Variants in CD72 observed in about 807,000 individuals in gnomAD.
CD72 encodes the protein B-cell differentiation antigen CD72.
A neutral mutation model predicts 50.7 loss-of-function variants in CD72; 28 were observed. The observed-to-expected ratio is 0.55, with a 90% CI of 0.41 to 0.76. CD72 has a LOEUF of 0.76. Among genes scored for constraint, CD72 ranks in the 30% least tolerant of loss-of-function variants. The pLI is 0.00. For synonymous variants in CD72, 176 were observed against 171.2 expected, an observed-to-expected ratio of 1.03 and a Z score of -0.22; for missense variants, 403 against 420.6, an observed-to-expected ratio of 0.96 and a Z score of 0.37.
chr9:35,610,823 C>T (rs1822969459), intron 7 of CD72, 70 bp from the exon 8 acceptor site: 5 of 1,319,392 alleles, frequency 3.8e-6, no homozygotes, highest in Middle Eastern at 1.8e-4. Flanking sequence ...TCCCCTTCCC[C>T]TGTATAAAAC....
At position 35,616,025 on chromosome 9, in the gene CD72, C is replaced by T; in HGVS notation, c.606G>A (p.Glu202=). 1 of 1,614,076 alleles carries T rather than the reference C, an allele frequency of 6.2e-7. No homozygotes were observed. The highest frequency in any genetic ancestry group is 8.5e-7 in the Non-Finnish European group (1 of 1,180,016). The change falls in exon 5 of 9, where the codon GAG becomes GAA. Residue 202 remains glutamate, a synonymous_variant. Transcript: ENST00000259633. ...GCTCCAAGGCCCTCCTCTGTTGCTCCTCACTTTGCAAGGTCTCCTTCGTCT... is the reference window on the plus strand; with the variant it reads ...GCTCCAAGGCCCTCCTCTGTTGCTCTTCACTTTGCAAGGTCTCCTTCGTCT... ...RQKTKETLQS[E]EQQRRALEQK...
intron 1 of CD72, among the ~76,000 whole-genome samples, chr9:35,630,862 G>A (rs1249385731): frequency 6.6e-6 from 1 of 152,118 alleles, no homozygotes; most frequent in East Asian, 1.9e-4. Context: ...CCAGGAGTTC[G>A]AGATAAACCT....
intron 1 of CD72, chr9:35,646,160 CA>C (rs529491718): frequency 1.4e-5 from 2 of 143,016 alleles, no homozygotes; most frequent in African/African-American, 2.6e-5. Context: ...GACTTCGCCT[CA>C]AAAAAAAAGA....
chr9:35,640,843 C>T (rs1213631232), intron 1 of CD72, among the ~76,000 whole-genome samples: 4 of 152,226 alleles, frequency 2.6e-5, no homozygotes, highest in East Asian at 1.9e-4. Flanking sequence ...CTTGAATGCC[C>T]GGGTTTATAT....
At chr9:35,624,220 T>C (rs895316024), upstream of CD72, among the ~76,000 whole-genome samples, 1 of 46,632 alleles carries the variant, frequency 2.1e-5, no homozygotes, top group East Asian at 3.3e-4. Flanking sequence ...TCAAAAATAA[T>C]AATAATAATA....
chr9:35,623,224 G>A (rs1322304882), upstream of CD72, among the ~76,000 whole-genome samples: 3 of 152,218 alleles, frequency 2.0e-5, no homozygotes, highest in Admixed American at 6.5e-5. Flanking sequence ...GGAGTCCTGG[G>A]TTAACAATTG....
In CD72 at chr9:35,610,305, AAAAGT is replaced by A. The variant is rs1822954901; in HGVS notation, c.*23-10_*23-6del. On this transcript the variant is annotated splice_region_variant and splice_polypyrimidine_tract_variant and intron_variant, in intron 8 of 8. Transcript: ENST00000259633. The stretch of plus-strand genomic sequence containing the variant: ...GGTTCTTGTTGGCATGAGTGTCTGG[AAAAGT>A]AAAGTATCAGTGAGCTCCATGGTTG... 38 of 235,682 alleles carry A rather than the reference AAAAGT, an allele frequency of 1.6e-4. 1 individual carries two copies. The highest frequency in any genetic ancestry group is 4.3e-4 in the Admixed American group (7 of 16,364). 14.6% of individuals were successfully genotyped at this position (235,682 alleles called of 1,614,324 possible). A position where few individuals can be genotyped will look rare whatever the true frequency, so the allele number is the denominator to read the frequency against.
exon 1 of CD72, chr9:35,646,632 ACAAAGTT>A (rs1563902079): frequency 6.6e-6 from 1 of 152,224 alleles, no homozygotes; most frequent in Non-Finnish European, 1.5e-5. Flanking sequence ...GGGACGGAAA[ACAAAGTT>A]CAAATCATAC....
chr9:35,636,194 C>T (rs1046149976), intron 1 of CD72, among the ~76,000 whole-genome samples: 4 of 152,146 alleles, frequency 2.6e-5, no homozygotes, highest in African/African-American at 9.7e-5. Flanking sequence ...CACTACCACC[C>T]CCTCCCCAGT....
chr9:35,634,746 C>G (rs1338749657), intron 1 of CD72, among the ~76,000 whole-genome samples: 1 of 152,268 alleles, frequency 6.6e-6, no homozygotes, highest in East Asian at 1.9e-4. Flanking sequence ...ACACTTTTAC[C>G]TTCCCCTTAT....
Position 35,618,040 on chromosome 9 carries a change from G to A in CD72, c.164C>T (p.Ala55Val). 1 of 1,613,084 alleles carries A rather than the reference G, an allele frequency of 6.2e-7. No individual in the cohort carries two copies. Among genetic ancestry groups the A allele is most frequent in the Non-Finnish European group, 8.5e-7 (1 of 1,179,034 alleles). The change falls in exon 2 of 9, where the codon GCT becomes GTT. Residue 55 changes from alanine (A) to valine (V), a missense_variant. Ala to Val is a moderately conservative substitution (Grantham distance 64, BLOSUM62 0). Transcript: ENST00000259633. The part of the protein sequence containing the change: ...PAVLGVPSSL[A>V]SSVLGDKAAV... The stretch of plus-strand genomic sequence containing the variant: ...TGCTTTGTCCCCTAGTACAGAAGAA[G>A]CCAAGCTTGAGGGCACCCCTAGGAC...
intron 1 of CD72, among the ~76,000 whole-genome samples, chr9:35,637,992 A>C (rs750450369): frequency 3.3e-5 from 5 of 152,064 alleles, no homozygotes; most frequent in Non-Finnish European, 7.4e-5. Context: ...CCTAAAACCT[A>C]AATGCCTTAT....
At chr9:35,632,297 C>A (rs1182896489) in intron 1 of CD72, among the ~76,000 whole-genome samples, 3 of 151,472 alleles carry the variant, frequency 2.0e-5, no homozygotes, top group African/African-American at 7.3e-5. Context: ...GCCTCAGCCT[C>A]CCGAGTAGCT....
chr9:35,629,755 G>C (rs926336669), intron 1 of CD72, among the ~76,000 whole-genome samples: 20 of 152,218 alleles, frequency 1.3e-4, no homozygotes, highest in Non-Finnish European at 2.8e-4. Flanking sequence ...GCCACAGAAG[G>C]TGTGCTTTTA....
rs369484666 is a variant in CD72 at position 35,617,972 on chromosome 9, C to T, written c.190+42G>A. The T allele has an allele frequency of 1.4e-5, 17 of 1,184,720 alleles. No individual in the cohort carries two copies. In the East Asian group the frequency reaches 3.0e-4, roughly 21 times the overall value. 73.4% of individuals were successfully genotyped at this position (1,184,720 alleles called of 1,614,324 possible). On this transcript the variant is annotated intron_variant, in intron 2 of 8. Coordinates refer to ENST00000259633, the MANE Select transcript of CD72 (RefSeq NM_001782.3). The stretch of plus-strand genomic sequence containing the variant: ...ACATTGTGGACTCCCCAGCTCAAGA[C>T]ACAGCCCCCCAACAAACACACATCC...
chr9:35,617,264 C>T lies in CD72; in HGVS notation c.191-17G>A, dbSNP rs1272812386. The stretch of plus-strand genomic sequence containing the variant: ...ACTTGACCGCTGTCGAGGGGAGCAT[C>T]CAGTGTGAGACCGGAAGCCCCGAGT... On this transcript the variant is annotated splice_polypyrimidine_tract_variant and intron_variant, in intron 2 of 8. Coordinates refer to ENST00000259633, the MANE Select transcript of CD72 (RefSeq NM_001782.3). 4 of 1,539,794 alleles carry T rather than the reference C, an allele frequency of 2.6e-6. No individual in the cohort carries two copies. The highest frequency in any genetic ancestry group is 1.4e-5 in the African/African-American group (1 of 72,756).
chr9:35,633,031 A>G (rs977066111), intron 1 of CD72, among the ~76,000 whole-genome samples: 2 of 150,898 alleles, frequency 1.3e-5, no homozygotes, highest in African/African-American at 4.9e-5. Context: ...CCTGGGCTCA[A>G]TCTAACCTCC....
intron 5 of CD72, among the ~76,000 whole-genome samples, chr9:35,615,438 T>C (rs1823049615): frequency 6.6e-6 from 1 of 152,148 alleles, no homozygotes; most frequent in Non-Finnish European, 1.5e-5. Flanking sequence ...CCTAGTTCCC[T>C]ACACCACAAC....
chr9:35,637,607 A>C (rs1392350891), intron 1 of CD72, among the ~76,000 whole-genome samples: 1 of 152,088 alleles, frequency 6.6e-6, no homozygotes, highest in African/African-American at 2.4e-5. Flanking sequence ...AGTAGAGACA[A>C]AGGAGACACA....
Sources: gnomAD v4.1 joint callset for allele counts (sites outside exome capture counted in the v4.1 genomes callset) on GRCh38, gnomAD v4.1.1 for gene constraint, MANE v1.5 for transcripts, NCBI Gene and HGNC (gene_info 2026-07-23, HGNC 2026-07-21) for gene names.